COL5A3: variants seen among roughly 807,000 people sequenced by gnomAD.
COL5A3 encodes collagen alpha-3(V) chain.
A neutral mutation model predicts 250.0 loss-of-function variants in COL5A3; 172 were observed. The ratio of observed to expected loss-of-function variants is 0.69; its 90% CI spans 0.61 to 0.78. The LOEUF is 0.78. Ranked by LOEUF, COL5A3 falls within the 30% of genes least tolerant of loss-of-function variation. COL5A3 has a pLI of 0.00. For missense variants in COL5A3, 2,340 were observed against 2,334.4 expected, an observed-to-expected ratio of 1.00 and a Z score of -0.05; for synonymous variants, 937 against 900.4, an observed-to-expected ratio of 1.04 and a Z score of -0.73.
intron 8 of COL5A3, 22 bp downstream of exon 8, chr19:10,001,502 C>A (rs200901695): frequency 3.7e-6 from 6 of 1,612,160 alleles, no homozygotes; most frequent in African/African-American, 2.7e-5. Context: ...TTGCACCTAA[C>A]CCCAGCCACC....
In COL5A3 at chr19:9,977,232, G is replaced by A. The variant is rs117853631; in HGVS notation, c.3285C>T (p.Asp1095=). The change falls in exon 44 of 67, where the codon GAC becomes GAT. Residue 1095 remains aspartate (D), a synonymous_variant. Coordinates refer to ENST00000264828, the MANE Select transcript of COL5A3 (RefSeq NM_015719.4). ...CCCACTGGGGACCTTCACTCACCGC[G>A]TCTCCTTTATCGCCTTTACTCCCCT... ...GHKGSKGDKG[D]AGPPGQPGIR... The A allele has an allele frequency of 7.7e-5, 125 of 1,613,554 alleles. No homozygotes were observed. The East Asian group carries it at 1.8e-3, about 23-fold the overall frequency.
At chr19:10,002,683 C>A (rs1023659972) in intron 6 of COL5A3, among the ~76,000 whole-genome samples, 26 of 152,076 alleles carry the variant, frequency 1.7e-4, no homozygotes, top group African/African-American at 6.3e-4. Context: ...ATCGGTGACC[C>A]CTAATCAATT....
intron 30 of COL5A3, 39 bp from the exon 31 acceptor site, chr19:9,985,934 C>T (rs1202349649): frequency 6.2e-7 from 1 of 1,601,678 alleles, no homozygotes; most frequent in Non-Finnish European, 8.6e-7. Context: ...GAAATTGCAA[C>T]CTGGAGGTCA....
chr19:9,982,439 A>G (rs1197428976), intron 31 of COL5A3, among the ~76,000 whole-genome samples: 2 of 152,184 alleles, frequency 1.3e-5, no homozygotes, highest in African/African-American at 4.8e-5. Context: ...TTCTACCACC[A>G]TCCTGGCTTC....
Position 9,977,654 on chromosome 19 carries a change from T to C in COL5A3, c.3066A>G (p.Gly1022=). 1.2e-6 allele frequency: 2 copies of C among 1,608,192 alleles called. No homozygotes were observed. Among genetic ancestry groups the C allele is most frequent in the Non-Finnish European group, 1.7e-6 (2 of 1,177,050 alleles). ...RGPLGPAGGI[G]LPGQSGSEGP... ...CTTCGCTGCCACTTTGGCCAGGAAGTCCAATGCCTCCTGCTGGGCCCAAAG... is the reference window on the plus strand; with the variant it reads ...CTTCGCTGCCACTTTGGCCAGGAAGCCCAATGCCTCCTGCTGGGCCCAAAG... The change falls in exon 42 of 67, where the codon GGA becomes GGG. Residue 1022 remains glycine (G), a synonymous_variant. Coordinates refer to ENST00000264828, the MANE Select transcript of COL5A3 (RefSeq NM_015719.4).
rs2086754937 is a variant in COL5A3 at position 9,966,775 on chromosome 19, A to T, written c.4459-29T>A. 6 of 1,494,520 alleles carry T rather than the reference A, an allele frequency of 4.0e-6. No homozygotes were observed. The African/African-American group carries it at 6.9e-5, about 17-fold the overall frequency. 92.6% of individuals were successfully genotyped at this position (1,494,520 alleles called of 1,614,324 possible). ...GGCGTAGGGGATGGGGACGGAGAAG[A>T]GAGGGGAGATGGGGGAGGGAGAGAG... On this transcript the variant is annotated intron_variant, in intron 62 of 66. Coordinates refer to ENST00000264828, the MANE Select transcript of COL5A3 (RefSeq NM_015719.4).
chr19:9,995,526 T>G (rs781037175), intron 16 of COL5A3, 38 bp downstream of exon 16: 2 of 1,570,152 alleles, frequency 1.3e-6, no homozygotes, highest in Non-Finnish European at 1.7e-6. Flanking sequence ...TGTTGAGGGA[T>G]GGATAAGGGG....
In COL5A3 at chr19:9,969,595, G is replaced by C. The variant is rs1373341997; in HGVS notation, c.4078C>G (p.Arg1360Gly). ...CTCACCACAGGGCCAGGGATCCCTC[G>C]AAGACCCTCAGGCCCCACACGTCCA... ...PPGRVGPEGL[R>G]GIPGPVGEPG... Residue 1360 changes from arginine to glycine, a missense_variant, in exon 56 of 67, where the codon CGA becomes GGA. Around this residue, in one of 3 missense-constraint regions of COL5A3, gnomAD observed 1,179 missense variants for 1,162.6 expected, o/e 1.01. Coordinates refer to ENST00000264828, the MANE Select transcript of COL5A3 (RefSeq NM_015719.4). 1 of 1,609,840 alleles carries C rather than the reference G, an allele frequency of 6.2e-7. No individual in the cohort carries two copies. The highest frequency in any genetic ancestry group is 8.5e-7 in the Non-Finnish European group (1 of 1,178,870).
At chr19:10,010,140 A>C (rs1599236449) in intron 1 of COL5A3, among the ~76,000 whole-genome samples, 158 bp downstream of exon 1, 1 of 145,460 alleles carries the variant, frequency 6.9e-6, no homozygotes, top group Non-Finnish European at 1.5e-5. Context: ...CCCACAAATC[A>C]CCCAGAGTCA....
At chr19:9,965,210 A>G (rs12982563) in intron 64 of COL5A3, among the ~76,000 whole-genome samples, 16,032 of 135,700 alleles carry the variant, frequency 0.12, 1,042 homozygotes, top group South Asian at 0.28. Context: ...GCTGAAGTTC[A>G]GTGACACGAT....
At position 10,009,500 on chromosome 19, in the gene COL5A3, G is replaced by A. The variant is rs1405717450; in HGVS notation, c.88+798C>T. Among the ~76,000 whole-genome samples, 1 of 148,318 alleles carries A rather than the reference G, an allele frequency of 6.7e-6. No homozygotes were observed. Among genetic ancestry groups the A allele is most frequent in the Non-Finnish European group, 1.5e-5 (1 of 66,974 alleles). On this transcript the variant is annotated intron_variant, in intron 1 of 66. Coordinates refer to ENST00000264828, the MANE Select transcript of COL5A3 (RefSeq NM_015719.4). The surrounding 1 kb of genome is among the most constrained non-coding windows in gnomAD (Gnocchi z 4.4). Reference sequence around the variant, plus strand: ...CCAGCAGCTGGGGTGGGGAGGGGGGGAGCAACTTCCACTCCTGCCCCGCCC... The same window carrying A: ...CCAGCAGCTGGGGTGGGGAGGGGGGAAGCAACTTCCACTCCTGCCCCGCCC...
At chr19:10,002,786 C>G (rs2087383789) in intron 6 of COL5A3, among the ~76,000 whole-genome samples, 1 of 152,070 alleles carries the variant, frequency 6.6e-6, no homozygotes, top group Non-Finnish European at 1.5e-5. Flanking sequence ...GTAATTCCAC[C>G]CATCAATGAC....
At chr19:9,967,111 C>G (rs1444404674) in intron 62 of COL5A3, among the ~76,000 whole-genome samples, 1 of 152,032 alleles carries the variant, frequency 6.6e-6, no homozygotes, top group Non-Finnish European at 1.5e-5. Context: ...AGATGGGGTC[C>G]AAGAGACAAG....
Position 10,010,290 on chromosome 19 carries a change from C to A in COL5A3, c.88+8G>T, listed in dbSNP as rs1191761841. 1 of 1,434,894 alleles carries A rather than the reference C, an allele frequency of 7.0e-7. No homozygotes were observed. Among genetic ancestry groups the A allele is most frequent in the African/African-American group, 1.5e-5 (1 of 67,540 alleles). 88.9% of individuals were successfully genotyped at this position (1,434,894 alleles called of 1,614,324 possible). On this transcript the variant is annotated splice_region_variant and intron_variant, in intron 1 of 66. Transcript: ENST00000264828. The stretch of plus-strand genomic sequence containing the variant: ...ACCCTGGGTCCCATCTCTTCCCTCC[C>A]GGCTCACCGGCCTGCGTCCCCGGCA...
chr19:9,991,384 G>A (rs890391158), intron 24 of COL5A3, among the ~76,000 whole-genome samples: 1 of 152,232 alleles, frequency 6.6e-6, no homozygotes, highest in Non-Finnish European at 1.5e-5. Context: ...TGGGCTCTCT[G>A]TATCCTGACA....
intron 31 of COL5A3, among the ~76,000 whole-genome samples, chr19:9,983,540 GAAA>G (rs2145100439): frequency 5.6e-5 from 1 of 17,904 alleles, no homozygotes. Context: ...AAGAAAGAAA[GAAA>G]GAAAGAAAGA....
rs2087433802 is a variant in COL5A3, at chr19:10,005,822, G to T, written c.411C>A (p.Pro137=). The part of the protein sequence containing the change: ...GLLGDPFRPL[P]QQVNLTDGRW... ...TGCCATCTGTGAGGTTGACCTGCTG[G>T]GGGAGGGGGCGGAAGGGGTCACCTA... is the stretch of plus-strand genomic sequence containing the variant. The change falls in exon 3 of 67, where the codon CCC becomes CCA. Residue 137 remains proline (P), a synonymous_variant. Coordinates refer to ENST00000264828, the MANE Select transcript of COL5A3 (RefSeq NM_015719.4). The T allele has an allele frequency of 6.2e-7, 1 of 1,612,608 alleles. No homozygotes were observed.
chr19:9,972,425 T>C (rs531608771), intron 51 of COL5A3, among the ~76,000 whole-genome samples: 1 of 152,346 alleles, frequency 6.6e-6, no homozygotes, highest in South Asian at 2.1e-4. Context: ...ATTCACTCAT[T>C]CATACATTCA....
chr19:9,968,800 T>C lies in COL5A3; in HGVS notation c.4153-72A>G. 1 of 1,305,866 alleles carries C rather than the reference T, an allele frequency of 7.7e-7. No individual in the cohort carries two copies. The highest frequency in any genetic ancestry group is 1.1e-6 in the Non-Finnish European group (1 of 924,418). The allele number at this position is 1,305,866 out of a possible 1,614,324, so 80.9% of individuals were successfully genotyped here. A position where few individuals can be genotyped will look rare whatever the true frequency, so the allele number is the denominator to read the frequency against. On this transcript the variant is annotated intron_variant, in intron 57 of 66. Transcript: ENST00000264828. The surrounding 1 kb of genome is among the most constrained non-coding windows in gnomAD (Gnocchi z 4.1). ...GAGGTCTGTGTGGGTGGTTAGGGGATGGTCAAATGGGAAATTATGCAGATT... is the reference window on the plus strand; with the variant it reads ...GAGGTCTGTGTGGGTGGTTAGGGGACGGTCAAATGGGAAATTATGCAGATT...
Sources: allele counts gnomAD v4.1 joint callset (sites outside exome capture counted in the v4.1 genomes callset), GRCh38; gene constraint gnomAD v4.1.1; regional missense constraint gnomAD v4.1.1; non-coding constraint Gnocchi (gnomAD v3.1); transcripts MANE v1.5; gene names NCBI Gene and HGNC (gene_info 2026-07-23, HGNC 2026-07-21).